FAM117A: variants seen among roughly 807,000 people sequenced by gnomAD.
FAM117A encodes the protein protein FAM117A.
In FAM117A, 21 loss-of-function variants were observed where a neutral mutation model predicts 44.1. The ratio of observed to expected loss-of-function variants is 0.48; its 90% confidence interval spans 0.34 to 0.69. FAM117A has a LOEUF of 0.69. Among genes scored for constraint, FAM117A ranks in the 30% least tolerant of loss-of-function variants. The pLI, the probability that FAM117A is intolerant of heterozygous loss-of-function variation, is 0.01. For synonymous variants in FAM117A, 220 were observed against 238.3 expected, an observed-to-expected ratio of 0.92 and a Z score of 0.71; for missense variants, 498 against 589.9, an observed-to-expected ratio of 0.84 and a Z score of 1.61.
chr17:49,788,770 G>A (rs2073840950), upstream of FAM117A: 3 of 1,541,670 alleles, frequency 1.9e-6, no homozygotes, highest in East Asian at 5.1e-5. Context: ...GAGCCCGCCG[G>A]AGCCACCGTT....
At chr17:49,763,836 G>GGC in intron 1 of FAM117A, 56 bp downstream of exon 1, 1 of 215,822 alleles carries the variant, frequency 4.6e-6, no homozygotes, top group Non-Finnish European at 6.6e-6. Flanking sequence ...CCGCGGTCAC[G>GGC]CGCCCCCCCT....
intron 7 of FAM117A, among the ~76,000 whole-genome samples, chr17:49,712,016 T>A (rs1026371781): frequency 2.0e-5 from 3 of 152,164 alleles, no homozygotes; most frequent in African/African-American, 7.2e-5. Context: ...TGTGGCAGCA[T>A]GCTCCTGTAA....
In FAM117A at chr17:49,710,542, A is replaced by AT. The variant is rs1215541015; in HGVS notation, c.*712dup. 1 of 152,512 alleles carries AT rather than the reference A, an allele frequency of 6.6e-6. No homozygotes were observed. The highest frequency in any genetic ancestry group is 1.5e-5 in the Non-Finnish European group (1 of 68,032). The allele number at this position is 152,512 out of a possible 1,614,324, so 9.4% of individuals were successfully genotyped here. A position where few individuals can be genotyped will look rare whatever the true frequency, so the allele number is the denominator to read the frequency against. ...CTACATCGATACAAGAAAAATAGGC[A>AT]TTTTTCTAATCCATCCAGCCCTGGG... On this transcript the variant is annotated 3_prime_UTR_variant, in exon 8 of 8. Coordinates refer to ENST00000240364, the MANE Select transcript of FAM117A (RefSeq NM_030802.4).
rs192560906 is a variant in FAM117A, at chr17:49,722,043, G to A, written c.462+456C>T. 6.4e-3 allele frequency among the ~76,000 whole-genome samples: 975 copies of A among 152,306 alleles called. 8 individuals carry two copies. The highest frequency in any genetic ancestry group is 0.022 in the African/African-American group (929 of 41,562). On this transcript the variant is annotated intron_variant, in intron 3 of 7. Transcript: ENST00000240364. ...GAACCCAGGAGGCGGAAGTTGCAGTGAGCCGAGATCGTGCCACTGTACTCC... is the reference window on the plus strand; with the variant it reads ...GAACCCAGGAGGCGGAAGTTGCAGTAAGCCGAGATCGTGCCACTGTACTCC...
chr17:49,758,599 G>T (rs2073708232), intron 1 of FAM117A, among the ~76,000 whole-genome samples: 1 of 149,584 alleles, frequency 6.7e-6, no homozygotes, highest in African/African-American at 2.5e-5. Context: ...GCTCCATCCT[G>T]GGTGACAAAG....
chr17:49,772,437 C>G (rs1162776072), intron 1 of FAM117A, among the ~76,000 whole-genome samples: 1 of 151,938 alleles, frequency 6.6e-6, no homozygotes, highest in African/African-American at 2.4e-5. Flanking sequence ...GAAACCCTGT[C>G]TCTACTAAAA....
Position 49,711,521 on chromosome 17 carries a change from A to G in FAM117A, c.1096T>C (p.Cys366Arg). The change falls in exon 8 of 8, where the codon TGT (cysteine) becomes CGT (arginine). Residue 366 changes from cysteine to arginine, a missense_variant. Coordinates refer to ENST00000240364, the MANE Select transcript of FAM117A (RefSeq NM_030802.4). ...PGPDLAFLTS[C>R]PDKNKVHFNP... ...AAATGGACTTTGTTCTTGTCAGGAC[A>G]GGAAGTCAGGAAGGCCAGGTCAGGA... The G allele has an allele frequency of 1.2e-6, 2 of 1,614,122 alleles. No individual in the cohort carries two copies. Among genetic ancestry groups the G allele is most frequent in the Non-Finnish European group, 1.7e-6 (2 of 1,180,036 alleles).
upstream of FAM117A, among the ~76,000 whole-genome samples, chr17:49,768,728 G>C (rs964570098): frequency 2.0e-5 from 3 of 152,130 alleles, no homozygotes; most frequent in Admixed American, 6.5e-5. Context: ...AGAGTAGGGA[G>C]GGGGGTCCTA....
At chr17:49,751,087 C>G (rs1567833931) in intron 1 of FAM117A, among the ~76,000 whole-genome samples, 1 of 151,992 alleles carries the variant, frequency 6.6e-6, no homozygotes, top group Non-Finnish European at 1.5e-5. Flanking sequence ...TAAAACCAGC[C>G]TGGCCAACAT....
chr17:49,767,536 AT>A (rs2073748880), upstream of FAM117A, among the ~76,000 whole-genome samples: 1 of 152,196 alleles, frequency 6.6e-6, no homozygotes, highest in African/African-American at 2.4e-5. Flanking sequence ...GCTAGATGCT[AT>A]TTCATTTGGG....
At chr17:49,719,464 G>A (rs1397815042) in intron 5 of FAM117A, among the ~76,000 whole-genome samples, 1 of 152,222 alleles carries the variant, frequency 6.6e-6, no homozygotes, top group Non-Finnish European at 1.5e-5. Context: ...GTGAGAACTG[G>A]CAGTTTGGCT....
At chr17:49,759,050 G>A (rs2073711746) in intron 1 of FAM117A, among the ~76,000 whole-genome samples, 1 of 152,238 alleles carries the variant, frequency 6.6e-6, no homozygotes, top group Admixed American at 6.5e-5. Context: ...TGAAAGTTTT[G>A]CATTACTGCT....
chr17:49,766,766 C>G (rs1023065741), upstream of FAM117A, among the ~76,000 whole-genome samples: 1 of 152,230 alleles, frequency 6.6e-6, no homozygotes, highest in Non-Finnish European at 1.5e-5. Context: ...GTGGCTTCCT[C>G]TCTCTGTGCC....
chr17:49,745,097 T>C (rs1187743020), intron 1 of FAM117A, among the ~76,000 whole-genome samples: 1 of 151,684 alleles, frequency 6.6e-6, no homozygotes, highest in Admixed American at 6.6e-5. Flanking sequence ...AATACTCAGT[T>C]GGTAGAACTC....
intron 1 of FAM117A, among the ~76,000 whole-genome samples, chr17:49,754,465 C>A (rs996880871): frequency 6.6e-6 from 1 of 151,900 alleles, no homozygotes; most frequent in African/African-American, 2.4e-5. Flanking sequence ...CCACCACGCC[C>A]GGCTAATTTT....
At chr17:49,765,904 T>C (rs1438331770), upstream of FAM117A, among the ~76,000 whole-genome samples, 1 of 152,222 alleles carries the variant, frequency 6.6e-6, no homozygotes, top group Non-Finnish European at 1.5e-5. Context: ...ATTCTTACCA[T>C]GTTACAAGTA....
In FAM117A at chr17:49,724,264, C is replaced by T. The variant is rs570660899; in HGVS notation, c.367-1670G>A. On this transcript the variant is annotated intron_variant, in intron 2 of 7. Coordinates refer to ENST00000240364, the MANE Select transcript of FAM117A (RefSeq NM_030802.4). ...TCTAAAGATGACTACCTCTGCTAATCGAAGCTGGGCCCCGCACCCCCCACA... is the reference window on the plus strand; with the variant it reads ...TCTAAAGATGACTACCTCTGCTAATTGAAGCTGGGCCCCGCACCCCCCACA... 2.5e-5 allele frequency: 11 copies of T among 442,126 alleles called. No individual in the cohort carries two copies. In the East Asian group the frequency reaches 4.2e-4, roughly 17 times the overall value. The allele number at this position is 442,126 out of a possible 1,614,324, so 27.4% of individuals were successfully genotyped here.
chr17:49,769,341 C>A (rs190444670), intron 1 of FAM117A, among the ~76,000 whole-genome samples: 2 of 151,722 alleles, frequency 1.3e-5, no homozygotes, highest in Non-Finnish European at 2.9e-5. Context: ...TCATCCTTGA[C>A]AATATATGAT....
intron 5 of FAM117A, among the ~76,000 whole-genome samples, chr17:49,718,470 C>T (rs1181774472): frequency 6.6e-6 from 1 of 151,624 alleles, no homozygotes; most frequent in Non-Finnish European, 1.5e-5. Flanking sequence ...ATATAGAGAC[C>T]ATTCTGGCTA....
Sources: allele counts gnomAD v4.1 joint callset (sites outside exome capture counted in the v4.1 genomes callset), GRCh38; gene constraint gnomAD v4.1.1; transcripts MANE v1.5; gene names NCBI Gene and HGNC (gene_info 2026-07-23, HGNC 2026-07-21).